Variants in FUT8 observed in about 807,000 individuals in gnomAD.
FUT8 encodes alpha-(1,6)-fucosyltransferase.
FUT8 carries 29 observed loss-of-function variants against 71.3 expected under a neutral mutation model. The ratio of observed to expected loss-of-function variants is 0.41; its 90% confidence interval spans 0.30 to 0.55. The LOEUF (loss-of-function observed/expected upper bound fraction) is 0.55, where lower values mean the gene tolerates loss of function less well. Among genes scored for constraint, FUT8 ranks in the 20% least tolerant of loss-of-function variants. FUT8 has a pLI of 0.34. For synonymous variants in FUT8, 254 were observed against 239.3 expected (o/e 1.06, Z -0.57); for missense variants, 544 against 702.1 (o/e 0.77, Z 2.55).
At chr14:65,400,025 T>A in the FUT8 span, among the ~76,000 whole-genome samples, 1 of 152,208 alleles carries the variant, frequency 6.6e-6, no homozygotes, top group South Asian at 2.1e-4. Flanking sequence ...CCCATCTGAT[T>A]CCAGAATTTT....
chr14:65,485,174 TA>T lies in FUT8; in HGVS notation c.-228+29464del, dbSNP rs559994421. 7.6e-3 allele frequency among the ~76,000 whole-genome samples: 1,153 copies of T among 151,830 alleles called. 8 individuals are homozygous for T. Among genetic ancestry groups the T allele is most frequent in the Admixed American group, 9.5e-3 (145 of 15,220 alleles). On this transcript the variant is annotated intron_variant, in intron 2 of 10. Transcript: ENST00000673929. ...CAACATAGTAATACTTCGTCTCTAT[TA>T]AAAAAAATAATAATAATTTTTAATG...
rs1290512847 is a variant in FUT8, at chr14:65,616,228, G to T, written c.337G>T (p.Glu113Ter). The change falls in exon 5 of 11, where the codon GAA becomes TAA. Residue 113 changes from glutamate (E) to a stop codon, truncating the protein, a stop_gained. Coordinates refer to ENST00000673929, the MANE Select transcript of FUT8 (RefSeq NM_001371533.1). LOFTEE classifies it high-confidence loss of function. ...QTRNGLGKDH[E>*]ILRRRIENGA... is the part of the protein sequence containing the mutation. ...GACTACAGGTCTGGGGAAGGATCAT[G>T]AAATCCTGAGGAGGAGGATTGAAAA... 1 of 1,606,346 alleles carries T rather than the reference G, an allele frequency of 6.2e-7. No individual in the cohort carries two copies. The highest frequency in any genetic ancestry group is 8.5e-7 in the Non-Finnish European group (1 of 1,176,802).
intron 6 of FUT8, among the ~76,000 whole-genome samples, chr14:65,632,498 G>C (rs1890241724): frequency 6.6e-6 from 1 of 152,050 alleles, no homozygotes; most frequent in African/African-American, 2.4e-5. Flanking sequence ...ATTTTTTCAT[G>C]TTTGTTGGCC....
At chr14:65,367,946 T>C in the FUT8 span, among the ~76,000 whole-genome samples, 4 of 152,130 alleles carry the variant, frequency 2.6e-5, no homozygotes, top group African/African-American at 4.8e-5. Flanking sequence ...GAAAGTATCT[T>C]TATAGCAGTG....
At chr14:65,659,642 T>C (rs1468400201) in intron 6 of FUT8, among the ~76,000 whole-genome samples, 2 of 152,066 alleles carry the variant, frequency 1.3e-5, no homozygotes, top group African/African-American at 4.8e-5. Context: ...TAACTATTCA[T>C]AGGCATGCTT....
rs1891465975 is a variant in FUT8, at chr14:65,652,659, A to G, written c.598-16584A>G. On this transcript the variant is annotated intron_variant, in intron 6 of 10. Transcript: ENST00000673929. The surrounding 1 kb of genome is among the most constrained non-coding windows in gnomAD (Gnocchi z 4.0). ...TTAAGCACTTTTTTTTTTTTTAAAT[A>G]CAACCAAAAGCAGTCTTAACTGATG... Among the ~76,000 whole-genome samples, 1 of 151,744 alleles carries G rather than the reference A, an allele frequency of 6.6e-6. No homozygotes were observed. Among genetic ancestry groups the G allele is most frequent in the Non-Finnish European group, 1.5e-5 (1 of 67,980 alleles).
chr14:65,388,842 G>A, the FUT8 span, among the ~76,000 whole-genome samples: 1 of 152,068 alleles, frequency 6.6e-6, no homozygotes, highest in Non-Finnish European at 1.5e-5. Flanking sequence ...GGAATATTGT[G>A]CAGCAAACAC....
chr14:65,386,837 A>ATTTTTTTTT, the FUT8 span, among the ~76,000 whole-genome samples: 1 of 82,008 alleles, frequency 1.2e-5, no homozygotes, highest in Non-Finnish European at 2.5e-5. Context: ...TCTTCCTTTA[A>ATTTTTTTTT]TTTTTTTTTT....
chr14:65,369,479 A>G, the FUT8 span, among the ~76,000 whole-genome samples: 15 of 152,200 alleles, frequency 9.9e-5, no homozygotes, highest in Non-Finnish European at 1.9e-4. This position sits in a 1 kb window ranked among gnomAD's most constrained non-coding sequence, Gnocchi z 4.6. Flanking sequence ...TAGGCATTCT[A>G]AGTTCCAGAA....
chr14:65,534,903 T>G (rs950359268), intron 2 of FUT8, among the ~76,000 whole-genome samples: 4 of 151,776 alleles, frequency 2.6e-5, no homozygotes, highest in Admixed American at 6.6e-5. Flanking sequence ...GGATGATTTT[T>G]TGTGTGTGTG....
chr14:65,394,997 C>T, the FUT8 span, among the ~76,000 whole-genome samples: 2 of 152,222 alleles, frequency 1.3e-5, no homozygotes, highest in South Asian at 4.1e-4. Context: ...CTGCCTCAGC[C>T]TCCCAGAGTG....
intron 5 of FUT8, among the ~76,000 whole-genome samples, chr14:65,620,021 GCT>G (rs1889517951): frequency 6.6e-6 from 1 of 152,086 alleles, no homozygotes; most frequent in South Asian, 2.1e-4. Context: ...AACCTTTCAG[GCT>G]GATGCAGAGA....
chr14:65,486,793 G>A (rs992037371), intron 2 of FUT8, among the ~76,000 whole-genome samples: 1 of 152,164 alleles, frequency 6.6e-6, no homozygotes, highest in African/African-American at 2.4e-5. Context: ...GTTGTAGTGA[G>A]CCTTAAATAG....
At chr14:65,577,069 C>T (rs543247786) in intron 3 of FUT8, among the ~76,000 whole-genome samples, 1 of 151,730 alleles carries the variant, frequency 6.6e-6, no homozygotes, top group South Asian at 2.1e-4. Flanking sequence ...AGGGTGGTCT[C>T]GAACTCCTGG....
In FUT8 at chr14:65,616,005, G is replaced by A; in HGVS notation, c.231G>A (p.Gly77=). 6.2e-7 allele frequency: 1 copy of A among 1,613,774 alleles called. No homozygotes were observed. The highest frequency in any genetic ancestry group is 8.5e-7 in the Non-Finnish European group (1 of 1,179,802). The part of the protein sequence containing the change: ...LRIPEGPIDQ[G]PAIGRVRVLE... ...TACCAGAAGGCCCTATTGATCAGGG[G>A]CCAGCTATAGGAAGAGTACGCGTTT... The change falls in exon 4 of 11, where the codon GGG becomes GGA. Residue 77 remains glycine, a synonymous_variant. Transcript: ENST00000673929.
chr14:65,664,490 A>G (rs1240978679), intron 6 of FUT8, among the ~76,000 whole-genome samples: 3 of 152,184 alleles, frequency 2.0e-5, no homozygotes, highest in African/African-American at 7.2e-5. Context: ...GCTGAATTTT[A>G]TCAGGGTTCT....
intron 7 of FUT8, among the ~76,000 whole-genome samples, chr14:65,677,151 T>TGTGTGTGTGTGTGTGTGTGTGTGCGCGC: frequency 3.6e-5 from 4 of 110,744 alleles, no homozygotes; most frequent in Admixed American, 9.2e-5. Flanking sequence ...TGTGTGTGTG[T>TGTGTGTGTGTGTGTGTGTGTGTGCGCGC]GCGCGCGCGC....
intron 2 of FUT8, among the ~76,000 whole-genome samples, chr14:65,485,006 A>G (rs2066387400): frequency 6.6e-6 from 1 of 151,396 alleles, no homozygotes; most frequent in African/African-American, 2.4e-5. Flanking sequence ...TATATCTTCC[A>G]TGTCTCTTAA....
At chr14:65,577,567 A>C (rs1886858973) in intron 3 of FUT8, among the ~76,000 whole-genome samples, 1 of 152,184 alleles carries the variant, frequency 6.6e-6, no homozygotes, top group Admixed American at 6.5e-5. Flanking sequence ...GGTAGCTGAT[A>C]ATCCAAAATG....
Sources: gnomAD v4.1 joint callset for allele counts (sites outside exome capture counted in the v4.1 genomes callset) on GRCh38, gnomAD v4.1.1 for gene constraint, Gnocchi (gnomAD v3.1) non-coding constraint, MANE v1.5 for transcripts, NCBI Gene and HGNC (gene_info 2026-07-23, HGNC 2026-07-21) for gene names.